ZNF578: variants seen among roughly 807,000 people sequenced by gnomAD.
The protein encoded by ZNF578 is zinc finger protein 578, also known as Putative chemokine-related protein B42.
In ZNF578, 8 loss-of-function variants were observed where a neutral mutation model predicts 8.3. The ratio of observed to expected loss-of-function variants is 0.96; its 90% CI spans 0.56 to 1.74. ZNF578 has a LOEUF of 1.74. Ranked by LOEUF, ZNF578 falls within the 40% of genes most tolerant of loss-of-function variation. The pLI is 0.00. For missense variants in ZNF578, 726 were observed against 707.5 expected (o/e 1.03, Z -0.30); for synonymous variants, 206 against 232.2 (o/e 0.89, Z 1.03).
intron 3 of ZNF578, among the ~76,000 whole-genome samples, chr19:52,494,879 A>G (rs2059380229): frequency 1.3e-5 from 2 of 152,152 alleles, no homozygotes; most frequent in African/African-American, 4.8e-5. Flanking sequence ...TTGCCCAGGC[A>G]GGAGTACAAT....
chr19:52,509,695 A>C (rs2122982150), intron 5 of ZNF578, among the ~76,000 whole-genome samples: 1 of 152,178 alleles, frequency 6.6e-6, no homozygotes, highest in Non-Finnish European at 1.5e-5. Context: ...TCAACCCAGC[A>C]GGCAGAGGTT....
At chr19:52,506,418 C>G (rs1490552016) in intron 5 of ZNF578, among the ~76,000 whole-genome samples, 2 of 150,650 alleles carry the variant, frequency 1.3e-5, no homozygotes, top group Non-Finnish European at 2.9e-5. Context: ...CGAGACCAGC[C>G]TGGCCAACAT....
At chr19:52,481,263 T>A (rs1186284099) in intron 2 of ZNF578, among the ~76,000 whole-genome samples, 1 of 152,208 alleles carries the variant, frequency 6.6e-6, no homozygotes, top group Non-Finnish European at 1.5e-5. Context: ...CCAGCAGACC[T>A]TCTTCCTTCA....
chr19:52,512,974 G>C lies in ZNF578; in HGVS notation c.*820G>C, dbSNP rs964319093. Among the ~76,000 whole-genome samples the C allele has an allele frequency of 1.3e-5, 2 of 151,892 alleles. No individual in the cohort carries two copies. Among genetic ancestry groups the C allele is most frequent in the African/African-American group, 4.8e-5 (2 of 41,356 alleles). On this transcript the variant is annotated 3_prime_UTR_variant, in exon 6 of 6. Transcript: ENST00000421239. ...GCACATAGGTCACTTGAGGTCAAGAGTTTGAAACAAGCATGGCCAAGAGAT... is the reference window on the plus strand; with the variant it reads ...GCACATAGGTCACTTGAGGTCAAGACTTTGAAACAAGCATGGCCAAGAGAT...
At chr19:52,493,945 T>G (rs780438810) in intron 3 of ZNF578, among the ~76,000 whole-genome samples, 7 of 140,958 alleles carry the variant, frequency 5.0e-5, no homozygotes, top group Non-Finnish European at 7.8e-5. Context: ...AGCCGAGATC[T>G]CACCATTTCA....
chr19:52,487,468 A>G (rs1039608403), intron 2 of ZNF578, among the ~76,000 whole-genome samples: 2 of 152,202 alleles, frequency 1.3e-5, no homozygotes, highest in African/African-American at 4.8e-5. Context: ...CGTACATTCT[A>G]TAAATCTTGG....
intron 2 of ZNF578, among the ~76,000 whole-genome samples, chr19:52,486,022 G>A (rs2059344262): frequency 6.6e-6 from 1 of 152,150 alleles, no homozygotes; most frequent in Non-Finnish European, 1.5e-5. Context: ...TAAGAGGAAG[G>A]CATCTGTCTC....
At chr19:52,473,618 T>G (rs1309063219) in intron 2 of ZNF578, 1 of 193,376 alleles carries the variant, frequency 5.2e-6, no homozygotes, top group East Asian at 1.4e-4. Context: ...GTGTGAAATT[T>G]GATTAAAGGC....
At chr19:52,505,087 A>T (rs1249905212) in intron 5 of ZNF578, among the ~76,000 whole-genome samples, 1 of 152,036 alleles carries the variant, frequency 6.6e-6, no homozygotes, top group Non-Finnish European at 1.5e-5. Context: ...GGGTTTCTCC[A>T]TGTTGGTCAG....
chr19:52,483,020 GA>G (rs2059332517), intron 2 of ZNF578, among the ~76,000 whole-genome samples: 1 of 151,858 alleles, frequency 6.6e-6, no homozygotes, highest in Non-Finnish European at 1.5e-5. Context: ...TGAGGCAGGA[GA>G]ATCATGCCAC....
At chr19:52,503,409 G>T (rs1193428265) in intron 4 of ZNF578, among the ~76,000 whole-genome samples, 2 of 152,100 alleles carry the variant, frequency 1.3e-5, no homozygotes, top group Admixed American at 1.3e-4. Flanking sequence ...GCAGTGGCGG[G>T]ATCTCAGCTC....
rs573506668 is a variant in ZNF578, at chr19:52,493,500, T to G, written c.-20+2075T>G. 4.0e-4 allele frequency among the ~76,000 whole-genome samples: 61 copies of G among 152,220 alleles called. 1 individual carries two copies. Among genetic ancestry groups the G allele is most frequent in the Middle Eastern group, 3.4e-3 (1 of 294 alleles). ...AGTCTTACTCCAAACCCGCAGAGTT[T>G]TGCTGGTGGCAAGGAGAACCGAGGG... On this transcript the variant is annotated intron_variant, in intron 3 of 5. Coordinates refer to ENST00000421239, the MANE Select transcript of ZNF578 (RefSeq NM_001099694.2).
chr19:52,498,331 T>C (rs7257676), intron 3 of ZNF578, among the ~76,000 whole-genome samples: 1 of 22,904 alleles, frequency 4.4e-5, no homozygotes. Context: ...TAATGTGTGT[T>C]TTTTTTTTTT....
chr19:52,513,684 C>T lies in ZNF578; in HGVS notation c.*1530C>T, dbSNP rs1013655691. Among the ~76,000 whole-genome samples the T allele has an allele frequency of 2.7e-5, 4 of 145,942 alleles. No individual in the cohort carries two copies. Among genetic ancestry groups the T allele is most frequent in the African/African-American group, 5.1e-5 (2 of 39,206 alleles). On this transcript the variant is annotated 3_prime_UTR_variant, in exon 6 of 6. Transcript: ENST00000421239. ...GGCGGTGCTTGCAGGGAGCCGAGATCGTGCCACTGCACTCCAGGCTGGGCG... is the reference window on the plus strand; with the variant it reads ...GGCGGTGCTTGCAGGGAGCCGAGATTGTGCCACTGCACTCCAGGCTGGGCG...
At chr19:52,463,098 G>T (rs2059263880) in intron 2 of ZNF578, among the ~76,000 whole-genome samples, 1 of 152,106 alleles carries the variant, frequency 6.6e-6, no homozygotes, top group Admixed American at 6.5e-5. Flanking sequence ...TTATGTAATT[G>T]CATTTTTAAG....
intron 2 of ZNF578, among the ~76,000 whole-genome samples, chr19:52,470,800 C>T (rs1483990440): frequency 6.6e-6 from 1 of 152,208 alleles, no homozygotes; most frequent in Non-Finnish European, 1.5e-5. Flanking sequence ...TTCCCAAGGG[C>T]TTCCAGGCTT....
intron 2 of ZNF578, chr19:52,457,782 A>T (rs1189545049): frequency 6.5e-6 from 1 of 152,886 alleles, no homozygotes; most frequent in Non-Finnish European, 1.5e-5. Flanking sequence ...CAATTTGAGG[A>T]GAGCTTTTCC....
chr19:52,455,331 C>G (rs536961454), intron 1 of ZNF578: 1 of 152,010 alleles, frequency 6.6e-6, no homozygotes, highest in African/African-American at 2.4e-5. Flanking sequence ...TCCCGAGTAG[C>G]TGGGATTATA....
At chr19:52,480,872 G>A (rs1274278486) in intron 2 of ZNF578, among the ~76,000 whole-genome samples, 2 of 149,578 alleles carry the variant, frequency 1.3e-5, no homozygotes, top group East Asian at 2.0e-4. Context: ...CCCCAGTCTG[G>A]GTGACAGAGT....
Sources: gnomAD v4.1 joint callset for allele counts (sites outside exome capture counted in the v4.1 genomes callset) on GRCh38, gnomAD v4.1.1 for gene constraint, MANE v1.5 for transcripts, NCBI Gene and HGNC (gene_info 2026-07-23, HGNC 2026-07-21) for gene names.